CDC42BPA: variants seen among roughly 807,000 people sequenced by gnomAD.
CDC42BPA encodes the protein CDC42 binding protein kinase alpha.
Under a neutral mutation model 223.5 loss-of-function variants are expected in CDC42BPA, and 80 were observed. The observed-to-expected ratio is 0.36, with a 90% CI of 0.30 to 0.43. The LOEUF (loss-of-function observed/expected upper bound fraction) is 0.43. Among genes scored for constraint, CDC42BPA ranks in the 20% least tolerant of loss-of-function variants. The pLI, the probability that CDC42BPA is intolerant of heterozygous loss-of-function variation, is 1.00. For synonymous variants in CDC42BPA, 694 were observed against 718.6 expected (o/e 0.97, Z 0.55); for missense variants, 1,743 against 2,099.9 (o/e 0.83, Z 3.32).
chr1:227,216,105 T>C (rs1283213354), intron 2 of CDC42BPA, among the ~76,000 whole-genome samples: 1 of 148,056 alleles, frequency 6.8e-6, no homozygotes, highest in Non-Finnish European at 1.5e-5. Context: ...ATGTACACTG[T>C]GACTTTTTCT....
intron 1 of CDC42BPA, among the ~76,000 whole-genome samples, chr1:227,290,045 T>G (rs1190536307): frequency 6.6e-6 from 1 of 151,922 alleles, no homozygotes; most frequent in East Asian, 1.9e-4. Context: ...CCTCTAAAAA[T>G]AAAAACAAAT....
intron 1 of CDC42BPA, among the ~76,000 whole-genome samples, chr1:227,298,531 T>C (rs1462931502): frequency 6.6e-6 from 1 of 152,148 alleles, no homozygotes; most frequent in Non-Finnish European, 1.5e-5. Context: ...ACCCTAAACC[T>C]TGCCCTACGC....
At chr1:227,263,640 G>A (rs886424938) in intron 1 of CDC42BPA, among the ~76,000 whole-genome samples, 2 of 147,822 alleles carry the variant, frequency 1.4e-5, no homozygotes, top group African/African-American at 5.0e-5. Flanking sequence ...GCAGTGTAAT[G>A]GCATGATCTT....
chr1:227,037,324 T>C lies in CDC42BPA; in HGVS notation c.3200-1717A>G, dbSNP rs1171568245. On this transcript the variant is annotated intron_variant, in intron 24 of 36. Transcript: ENST00000366766. Reference sequence around the variant, plus strand: ...TTCCCTTAACTATGTAAGAGACTCATGTACTTGCTCTCTTCTCAATCTACA... The same window carrying C: ...TTCCCTTAACTATGTAAGAGACTCACGTACTTGCTCTCTTCTCAATCTACA... Among the ~76,000 whole-genome samples the C allele has an allele frequency of 7.9e-5, 12 of 152,258 alleles. No individual in the cohort carries two copies. The East Asian group carries it at 2.3e-3, about 29-fold the overall frequency.
In CDC42BPA at chr1:227,069,651, G is replaced by A. The variant is rs938946181; in HGVS notation, c.2904+126C>T. Reference sequence around the variant, plus strand: ...CATATTCCTCTGCTAATATGTTTTTGTTTATTTAAGATTCTAGGTCCTCTG... The same window carrying A: ...CATATTCCTCTGCTAATATGTTTTTATTTATTTAAGATTCTAGGTCCTCTG... On this transcript the variant is annotated intron_variant, in intron 21 of 36. Transcript: ENST00000366766. The A allele has an allele frequency of 4.8e-5, 29 of 604,938 alleles. No individual in the cohort carries two copies. The South Asian group carries it at 6.5e-4, about 14-fold the overall frequency. The allele number at this position is 604,938 out of a possible 1,614,324, so 37.5% of individuals were successfully genotyped here.
At chr1:227,292,941 C>G (rs937744927) in intron 1 of CDC42BPA, among the ~76,000 whole-genome samples, 1 of 152,100 alleles carries the variant, frequency 6.6e-6, no homozygotes, top group African/African-American at 2.4e-5. Flanking sequence ...CTAAATTGCC[C>G]TCCTTGTTAT....
intron 4 of CDC42BPA, among the ~76,000 whole-genome samples, chr1:227,198,253 C>T (rs555933695): frequency 2.6e-5 from 4 of 151,512 alleles, no homozygotes; most frequent in Non-Finnish European, 4.4e-5. Context: ...GAGTTCAAGA[C>T]GAGCCTGAGC....
rs755920548 is a variant in CDC42BPA at position 227,051,886 on chromosome 1, C to G, written c.3004G>C (p.Val1002Leu). The G allele has an allele frequency of 7.3e-7, 1 of 1,365,520 alleles. No homozygotes were observed. 84.6% of individuals were successfully genotyped at this position (1,365,520 alleles called of 1,614,324 possible). A position where few individuals can be genotyped will look rare whatever the true frequency, so the allele number is the denominator to read the frequency against. ...GGGATGCTCCAATAAGGCACCTTAA[C>G]TGGCTCAGCTTCACTAGATGTGGAA... is the stretch of plus-strand genomic sequence containing the variant. Reference protein sequence around the residue: ...SPSTSSEAEPVKTVDSTPLSV... With the variant: ...SPSTSSEAEPLKTVDSTPLSV... Residue 1002 changes from valine to leucine, a missense_variant, in exon 22 of 37, where the codon GTT (valine) becomes CTT (leucine). Transcript: ENST00000366766.
chr1:227,187,675 C>CT, intron 5 of CDC42BPA, among the ~76,000 whole-genome samples: 1 of 15,570 alleles, frequency 6.4e-5, no homozygotes, highest in Admixed American at 6.6e-4. Flanking sequence ...AAATGGCACC[C>CT]CCCACCCCCC....
chr1:227,287,947 T>C (rs1689066682), intron 1 of CDC42BPA, among the ~76,000 whole-genome samples: 1 of 152,286 alleles, frequency 6.6e-6, no homozygotes, highest in East Asian at 1.9e-4. Flanking sequence ...ATTAAACACA[T>C]CCTGTATGAT....
chr1:227,305,231 T>C (rs1252007918), intron 1 of CDC42BPA, among the ~76,000 whole-genome samples: 2 of 152,128 alleles, frequency 1.3e-5, no homozygotes, highest in African/African-American at 4.8e-5. Flanking sequence ...AAACTCGAGA[T>C]TATTTCAAAA....
At chr1:227,199,992 T>C (rs987524912) in intron 3 of CDC42BPA, among the ~76,000 whole-genome samples, 9 of 152,304 alleles carry the variant, frequency 5.9e-5, no homozygotes, top group Admixed American at 2.6e-4. Context: ...AGAAATAAGA[T>C]GTAAATTGTA....
intron 21 of CDC42BPA, among the ~76,000 whole-genome samples, chr1:227,058,564 T>C (rs1675081328): frequency 6.6e-6 from 1 of 152,202 alleles, no homozygotes; most frequent in Non-Finnish European, 1.5e-5. Context: ...AGCTACCCTG[T>C]CGCTTTTCAA....
rs1007335692 is a variant in CDC42BPA at position 227,160,996 on chromosome 1, T to C, written c.600-360A>G. 3.3e-5 allele frequency among the ~76,000 whole-genome samples: 5 copies of C among 152,200 alleles called. No homozygotes were observed. In the South Asian group the frequency reaches 6.2e-4, roughly 19 times the overall value. On this transcript the variant is annotated intron_variant, in intron 5 of 36. Transcript: ENST00000366766. ...GATAACCACAAAAAATACTATCCTC[T>C]AGCCCATGAAACTGGACAGGGAAAA...
Position 227,291,481 on chromosome 1 carries a change from G to A in CDC42BPA, c.178+25524C>T, listed in dbSNP as rs569822746. ...GGAGAATCGCTTGAATCCAGGAGGC[G>A]GAGGTTGTAGTGAGCCAAAGTCACA... On this transcript the variant is annotated intron_variant, in intron 1 of 36. Coordinates refer to ENST00000366766, the MANE Select transcript of CDC42BPA (RefSeq NM_001394014.1). Among the ~76,000 whole-genome samples the A allele has an allele frequency of 1.2e-3, 186 of 152,148 alleles. 1 individual carries two copies. Among genetic ancestry groups the A allele is most frequent in the Admixed American group, 8.8e-3 (135 of 15,282 alleles).
At chr1:227,068,918 C>A (rs548080652) in intron 21 of CDC42BPA, 2 of 166,470 alleles carry the variant, frequency 1.2e-5, no homozygotes, top group South Asian at 1.4e-4. Context: ...CCTAAAGGAA[C>A]GAAACACAAT....
At chr1:227,313,635 GATTA>G (rs56896309) in intron 1 of CDC42BPA, among the ~76,000 whole-genome samples, 46,526 of 151,634 alleles carry the variant, frequency 0.31, 7,272 homozygotes, top group East Asian at 0.36. Context: ...AATTCGGACT[GATTA>G]ATTAATAAAT....
Position 227,145,576 on chromosome 1 carries a change from C to T in CDC42BPA, c.1056G>A (p.Arg352=), listed in dbSNP as rs767715140. The T allele has an allele frequency of 3.1e-6, 5 of 1,613,490 alleles. No individual in the cohort carries two copies. Among genetic ancestry groups the T allele is most frequent in the Admixed American group, 3.3e-5 (2 of 59,992 alleles). The part of the protein sequence containing the change: ...FFSGIDWDNI[R]NCEAPYIPEV... ...CTGGAATATAAGGTGCTTCACAGTT[C>T]CGAATATTATCCCAATCAATTCCAC... The change falls in exon 8 of 37, where the codon CGG becomes CGA. Residue 352 remains arginine, a synonymous_variant. Coordinates refer to ENST00000366766, the MANE Select transcript of CDC42BPA (RefSeq NM_001394014.1).
At chr1:227,278,304 A>C (rs895232595) in intron 1 of CDC42BPA, among the ~76,000 whole-genome samples, 1 of 152,236 alleles carries the variant, frequency 6.6e-6, no homozygotes, top group African/African-American at 2.4e-5. Flanking sequence ...TTTCTAACCT[A>C]TTTCAGATTG....
Sources: allele counts gnomAD v4.1 joint callset (sites outside exome capture counted in the v4.1 genomes callset), GRCh38; gene constraint gnomAD v4.1.1; transcripts MANE v1.5; gene names NCBI Gene and HGNC (gene_info 2026-07-23, HGNC 2026-07-21).